The following GNB5 variants were observed in gnomAD, a reference collection of about 807,000 sequenced individuals.
GNB5 encodes the protein G protein subunit beta 5.
In GNB5, 37 loss-of-function variants were observed where a neutral mutation model predicts 55.3. That is an observed-to-expected ratio of 0.67 (90% confidence interval 0.51 to 0.88). The LOEUF (loss-of-function observed/expected upper bound fraction) is 0.88, where lower values mean the gene tolerates loss of function less well. GNB5 is among the 40% of genes least tolerant of loss of function. GNB5 has a pLI of 0.00. For synonymous variants in GNB5, 219 were observed against 198.5 expected (o/e 1.10, Z -0.87); for missense variants, 476 against 515.3 (o/e 0.92, Z 0.74).
rs147163026 is a variant in GNB5, at chr15:52,136,064, AACACACAC to A, written c.628-316_628-309del. ...CTTAACGTTTTGCAGGGAAAAGCAGAACACACACACACACACACACACACACACACACA... is the reference window on the plus strand; with the variant it reads ...CTTAACGTTTTGCAGGGAAAAGCAGAACACACACACACACACACACACACA... On this transcript the variant is annotated intron_variant, in intron 7 of 12. Coordinates refer to ENST00000261837, the MANE Select transcript of GNB5 (RefSeq NM_016194.4). Among the ~76,000 whole-genome samples the A allele has an allele frequency of 2.2e-3, 213 of 98,020 alleles. 4 individuals carry two copies. Among genetic ancestry groups the A allele is most frequent in the African/African-American group, 6.7e-3 (148 of 22,066 alleles). The allele number at this position is 98,020 out of a possible 152,430, so 64.3% of individuals were successfully genotyped here. A position where few individuals can be genotyped will look rare whatever the true frequency, so the allele number is the denominator to read the frequency against.
rs60072605 is a variant in GNB5 at position 52,122,889 on chromosome 15, T to TACAC, written c.1177-125_1177-122dup. 0.13 allele frequency: 95,395 copies of TACAC among 715,104 alleles called. 6,400 individuals carry two copies. Among genetic ancestry groups the TACAC allele is most frequent in the African/African-American group, 0.43 (23,549 of 54,952 alleles). 44.3% of individuals were successfully genotyped at this position (715,104 alleles called of 1,614,324 possible). On this transcript the variant is annotated intron_variant, in intron 12 of 12. Coordinates refer to ENST00000261837, the MANE Select transcript of GNB5 (RefSeq NM_016194.4). ...GCATGGGCATACATATATGTGTGTGTACACACACACACACACAAACATACA... is the reference window on the plus strand; with the variant it reads ...GCATGGGCATACATATATGTGTGTGTACACACACACACACACACACAAACATACA...
At chr15:52,144,563 C>G (rs1168416573) in intron 6 of GNB5, 1 of 152,236 alleles carries the variant, frequency 6.6e-6, no homozygotes, top group East Asian at 1.9e-4. Flanking sequence ...CCTGGAATGT[C>G]CTGCCTGGTA....
In GNB5 at chr15:52,125,979, A is replaced by G. The variant is rs374503238; in HGVS notation, c.978T>C (p.Phe326=). ...GGGAGAAGTCCACGCTGGATGCTCC[A>G]AATATGATGCTTTCTTTGGAATAGA... ...VAIYSKESII[F]GASSVDFSLS... is the part of the protein sequence containing the mutation. The change falls in exon 11 of 13, where the codon TTT becomes TTC. Residue 326 remains phenylalanine, a synonymous_variant. Transcript: ENST00000261837. The G allele has an allele frequency of 1.3e-6, 2 of 1,575,192 alleles. No homozygotes were observed. Among genetic ancestry groups the G allele is most frequent in the Non-Finnish European group, 1.7e-6 (2 of 1,148,462 alleles).
At chr15:52,159,545 G>A (rs564639771) in intron 3 of GNB5, among the ~76,000 whole-genome samples, 1 of 152,306 alleles carries the variant, frequency 6.6e-6, no homozygotes, top group East Asian at 1.9e-4. Context: ...AGCTTGAGAT[G>A]CTGAATATTC....
At chr15:52,131,901 G>A (rs977073144) in intron 9 of GNB5, among the ~76,000 whole-genome samples, 2 of 152,116 alleles carry the variant, frequency 1.3e-5, no homozygotes, top group African/African-American at 4.8e-5. Flanking sequence ...CTAATTCATG[G>A]ATCCTGCCAC....
intron 3 of GNB5, among the ~76,000 whole-genome samples, chr15:52,174,880 G>A (rs767990482): frequency 6.6e-6 from 1 of 151,814 alleles, no homozygotes; most frequent in African/African-American, 2.4e-5. Flanking sequence ...TCAGGAGTTC[G>A]AGACCAGCTT....
rs923849133 is a variant in GNB5, at chr15:52,117,501, T to C, written c.*5256A>G. On this transcript the variant is annotated 3_prime_UTR_variant, in exon 13 of 13. Coordinates refer to ENST00000261837, the MANE Select transcript of GNB5 (RefSeq NM_016194.4). ...TAACCAACTCCTCCCCACCCCCTGC[T>C]GCATCCTTTTTCTAATGACATGAAC... 6.6e-6 allele frequency: 1 copy of C among 152,288 alleles called. No individual in the cohort carries two copies. Among genetic ancestry groups the C allele is most frequent in the African/African-American group, 2.4e-5 (1 of 41,460 alleles). The allele number at this position is 152,288 out of a possible 1,614,324, so 9.4% of individuals were successfully genotyped here.
At chr15:52,169,778 G>A (rs982330735) in intron 3 of GNB5, among the ~76,000 whole-genome samples, 37 of 152,044 alleles carry the variant, frequency 2.4e-4, no homozygotes, top group African/African-American at 8.0e-4. Flanking sequence ...TCAGAGTGAA[G>A]GGACAAACTA....
At chr15:52,158,131 CTT>C (rs544960401) in intron 3 of GNB5, among the ~76,000 whole-genome samples, 22 of 151,978 alleles carry the variant, frequency 1.4e-4, no homozygotes, top group Non-Finnish European at 2.5e-4. Flanking sequence ...GGAGTGCTGT[CTT>C]GTTTGATCTT....
rs2034818032 is a variant in GNB5, at chr15:52,184,593, C to G, written c.84G>C (p.Lys28Asn). Residue 28 changes from lysine to asparagine, a missense_variant, in exon 2 of 13, where the codon AAG (lysine) becomes AAC (asparagine). Physicochemically the swap from Lys to Asn is moderately conservative, Grantham distance 94. Transcript: ENST00000261837. ...FKQRALRPVF[K>N]KSQQLSYCST... ...AACAGTAGCTGAGTTGTTGAGACTT[C>G]TTGAAAACTGGTCTCAGAGCTCGTT... 4.3e-6 allele frequency: 7 copies of G among 1,613,124 alleles called. No individual in the cohort carries two copies. In the East Asian group the frequency reaches 1.6e-4, roughly 36 times the overall value.
chr15:52,142,868 G>A (rs537818052), intron 6 of GNB5, among the ~76,000 whole-genome samples: 1 of 150,560 alleles, frequency 6.6e-6, no homozygotes, highest in South Asian at 2.1e-4. Flanking sequence ...ACAATGTGCG[G>A]AGGAGGCTGG....
chr15:52,115,605 A>G lies in GNB5; in HGVS notation c.*7152T>C, dbSNP rs1203172727. ...CTTGCCCCATTATCAGCCAAAACCA[A>G]AATGTGACAATATTGGTCTTACCTA... On this transcript the variant is annotated 3_prime_UTR_variant, in exon 13 of 13. Transcript: ENST00000261837. 1 of 152,244 alleles carries G rather than the reference A, an allele frequency of 6.6e-6. No homozygotes were observed. Among genetic ancestry groups the G allele is most frequent in the Non-Finnish European group, 1.5e-5 (1 of 68,038 alleles). 9.4% of individuals were successfully genotyped at this position (152,244 alleles called of 1,614,324 possible). A position where few individuals can be genotyped will look rare whatever the true frequency, so the allele number is the denominator to read the frequency against.
chr15:52,151,183 C>A (rs541370310), intron 4 of GNB5, among the ~76,000 whole-genome samples: 140 of 152,242 alleles, frequency 9.2e-4, no homozygotes, highest in African/African-American at 3.1e-3. Context: ...ATTCAGTAAG[C>A]CTTTAGCGCA....
At chr15:52,168,999 C>T (rs1041133698) in intron 3 of GNB5, among the ~76,000 whole-genome samples, 3 of 152,176 alleles carry the variant, frequency 2.0e-5, no homozygotes, top group African/African-American at 7.2e-5. Flanking sequence ...AAATGTAAAA[C>T]CCCAAACTAT....
intron 6 of GNB5, among the ~76,000 whole-genome samples, chr15:52,145,456 A>G (rs893320507): frequency 6.6e-6 from 1 of 151,056 alleles, no homozygotes; most frequent in Non-Finnish European, 1.5e-5. Flanking sequence ...CCTGGCCAAC[A>G]TGGTAAAACC....
rs150825619 is a variant in GNB5, at chr15:52,188,789, G to A, written c.-19+2533C>T. Among the ~76,000 whole-genome samples the A allele has an allele frequency of 2.6e-3, 402 of 152,192 alleles. 2 individuals carry two copies. The highest frequency in any genetic ancestry group is 9.1e-3 in the African/African-American group (378 of 41,536). On this transcript the variant is annotated intron_variant, in intron 1 of 12. Transcript: ENST00000261837. Reference sequence around the variant, plus strand: ...ACTTAAAAAATTACCACAGAAATACGTGTTTATTTTAAAAAGAACCAGTAC... The same window carrying A: ...ACTTAAAAAATTACCACAGAAATACATGTTTATTTTAAAAAGAACCAGTAC...
rs1168734914 is a variant in GNB5, at chr15:52,136,172, A to ACACACACACC, written c.628-417_628-416insGGTGTGTGTG. On this transcript the variant is annotated intron_variant, in intron 7 of 12. Coordinates refer to ENST00000261837, the MANE Select transcript of GNB5 (RefSeq NM_016194.4). ...CACACACACACACACACACACACAC[A>ACACACACACC]CCCTACCTGCTGTATCTGGGTTCAT... Among the ~76,000 whole-genome samples, 970 of 99,972 alleles carry ACACACACACC rather than the reference A, an allele frequency of 9.7e-3. 107 individuals are homozygous for ACACACACACC. The highest frequency in any genetic ancestry group is 0.038 in the African/African-American group (866 of 22,670). The allele number at this position is 99,972 out of a possible 152,430, so 65.6% of individuals were successfully genotyped here.
chr15:52,141,562 A>AGCC (rs2033854957), intron 6 of GNB5, among the ~76,000 whole-genome samples: 1 of 151,884 alleles, frequency 6.6e-6, no homozygotes, highest in Non-Finnish European at 1.5e-5. Flanking sequence ...TACAGGTGTA[A>AGCC]GCCACTGTGC....
Position 52,118,262 on chromosome 15 carries a change from T to C in GNB5, c.*4495A>G, listed in dbSNP as rs2033183110. ...CTGGAAAAGGGCTCATTAGCCCAGA[T>C]CAGCTGTTCTCAAAGCAAGATCCAG... On this transcript the variant is annotated 3_prime_UTR_variant, in exon 13 of 13. Coordinates refer to ENST00000261837, the MANE Select transcript of GNB5 (RefSeq NM_016194.4). The C allele has an allele frequency of 6.6e-6, 1 of 152,152 alleles. No homozygotes were observed. Among genetic ancestry groups the C allele is most frequent in the Non-Finnish European group, 1.5e-5 (1 of 68,040 alleles). The allele number at this position is 152,152 out of a possible 1,614,324, so 9.4% of individuals were successfully genotyped here. A position where few individuals can be genotyped will look rare whatever the true frequency, so the allele number is the denominator to read the frequency against.
Sources: gnomAD v4.1 joint callset for allele counts (sites outside exome capture counted in the v4.1 genomes callset) on GRCh38, gnomAD v4.1.1 for gene constraint, MANE v1.5 for transcripts, NCBI Gene and HGNC (gene_info 2026-07-23, HGNC 2026-07-21) for gene names.